The following TAFA2 variants were observed in gnomAD, a reference collection of about 807,000 sequenced individuals.
TAFA2 encodes the protein TAFA chemokine like family member 2.
Under a neutral mutation model 18.8 loss-of-function variants are expected in TAFA2, and 7 were observed. The observed-to-expected ratio is 0.37, with a 90% CI of 0.21 to 0.70. TAFA2 has a LOEUF of 0.70. TAFA2 is among the 30% of genes least tolerant of loss of function. The pLI is 0.53. For synonymous variants in TAFA2, 60 were observed against 54.2 expected (o/e 1.11, Z -0.47); for missense variants, 122 against 158.1 (o/e 0.77, Z 1.23).
At chr12:62,172,507 A>G (rs147641813) in intron 1 of TAFA2, among the ~76,000 whole-genome samples, 1 of 152,356 alleles carries the variant, frequency 6.6e-6, no homozygotes, top group Non-Finnish European at 1.5e-5. Flanking sequence ...TTCTAAGAGC[A>G]TGTAACTCCA....
At chr12:62,023,502 G>A (rs557694765) in intron 1 of TAFA2, 2 of 151,820 alleles carry the variant, frequency 1.3e-5, no homozygotes, top group African/African-American at 2.4e-5. Flanking sequence ...ATAAAACAAA[G>A]AATTTGCCGT....
At chr12:62,071,345 C>T (rs1882625680) in intron 1 of TAFA2, among the ~76,000 whole-genome samples, 1 of 152,098 alleles carries the variant, frequency 6.6e-6, no homozygotes, top group African/African-American at 2.4e-5. Context: ...AAAATAAGCT[C>T]AAAGAGGAGA....
At chr12:62,141,947 C>T (rs887756036) in intron 1 of TAFA2, among the ~76,000 whole-genome samples, 7 of 152,202 alleles carry the variant, frequency 4.6e-5, no homozygotes, top group Non-Finnish European at 8.8e-5. Context: ...CTGTCCCTAA[C>T]ACTAGGTTAT....
intron 2 of TAFA2, among the ~76,000 whole-genome samples, chr12:61,845,703 T>A (rs1873375647): frequency 6.6e-6 from 1 of 152,158 alleles, no homozygotes; most frequent in African/African-American, 2.4e-5. Context: ...ATCTTAGCAT[T>A]TGGACTTACA....
chr12:61,777,746 C>T (rs1033473574), intron 2 of TAFA2, among the ~76,000 whole-genome samples: 17 of 151,742 alleles, frequency 1.1e-4, no homozygotes, highest in Admixed American at 5.3e-4. Flanking sequence ...AGAAAAATAT[C>T]TCATAACCTT....
intron 1 of TAFA2, among the ~76,000 whole-genome samples, chr12:62,161,831 T>G: frequency 6.6e-6 from 1 of 152,204 alleles, no homozygotes; most frequent in East Asian, 1.9e-4. Flanking sequence ...CACATGTATT[T>G]CAATGTTTAA....
intron 1 of TAFA2, among the ~76,000 whole-genome samples, chr12:61,917,012 A>G (rs556452971): frequency 1.3e-5 from 2 of 152,286 alleles, no homozygotes; most frequent in East Asian, 3.9e-4. Context: ...GGGAGTAGTA[A>G]GAACTCATAC....
intron 1 of TAFA2, among the ~76,000 whole-genome samples, chr12:61,995,656 A>C (rs11831039): frequency 6.6e-6 from 1 of 152,046 alleles, no homozygotes; most frequent in Non-Finnish European, 1.5e-5. Flanking sequence ...TTAAGGGTAC[A>C]TTTGATTACA....
intron 2 of TAFA2, among the ~76,000 whole-genome samples, chr12:61,783,332 CTT>C (rs954186598): frequency 6.6e-6 from 1 of 151,680 alleles, no homozygotes; most frequent in Non-Finnish European, 1.5e-5. Flanking sequence ...TACGAATAGA[CTT>C]TGACTTCACA....
rs1055226654 is a variant in TAFA2 at position 61,951,051 on chromosome 12, G to T, written c.-1-83625C>A. Among the ~76,000 whole-genome samples the T allele has an allele frequency of 2.0e-5, 3 of 152,060 alleles. No individual in the cohort carries two copies. The East Asian group carries it at 5.8e-4, about 29-fold the overall frequency. ...CCTAGCCTTGACTTTTGCCCTAAAT[G>T]ACCAATGCTGCAAATTAGATGCTGG... On this transcript the variant is annotated intron_variant, in intron 1 of 4. Transcript: ENST00000416284.
rs1338704599 is a variant in TAFA2, at chr12:61,728,115, A to T, written c.385-17698T>A. Among the ~76,000 whole-genome samples the T allele has an allele frequency of 2.7e-5, 4 of 150,932 alleles. No homozygotes were observed. In the East Asian group the frequency reaches 7.8e-4, roughly 30 times the overall value. Reference sequence around the variant, plus strand: ...ACTTGATATATTTTGATTTTCTTAAATTTATTGAGACTTGTTTTGTGGCCT... The same window carrying T: ...ACTTGATATATTTTGATTTTCTTAATTTTATTGAGACTTGTTTTGTGGCCT... On this transcript the variant is annotated intron_variant, in intron 4 of 4. Transcript: ENST00000416284.
intron 1 of TAFA2, among the ~76,000 whole-genome samples, chr12:61,977,918 A>G (rs1879495052): frequency 2.2e-3 from 1 of 450 alleles, no homozygotes; most frequent in Non-Finnish European, 0.018. Flanking sequence ...AATAAAGAGA[A>G]AAAAAAAGGA....
At chr12:61,910,862 T>C (rs1876580880) in intron 1 of TAFA2, among the ~76,000 whole-genome samples, 1 of 152,322 alleles carries the variant, frequency 6.6e-6, no homozygotes, top group South Asian at 2.1e-4. Flanking sequence ...TTCCGAACCA[T>C]CTGTGTTTCT....
At chr12:61,864,468 G>C (rs1002119718) in intron 2 of TAFA2, among the ~76,000 whole-genome samples, 1 of 150,236 alleles carries the variant, frequency 6.7e-6, no homozygotes, top group Non-Finnish European at 1.5e-5. Flanking sequence ...GATATAAAAA[G>C]AGAAACCCAA....
chr12:61,828,431 C>T (rs17577005), intron 2 of TAFA2, among the ~76,000 whole-genome samples: 44,654 of 151,658 alleles, frequency 0.29, 7,055 homozygotes, highest in South Asian at 0.4. Flanking sequence ...GTTGCCTCAA[C>T]ACATGGTCAT....
chr12:61,804,175 A>C (rs1310731350), intron 2 of TAFA2, among the ~76,000 whole-genome samples: 1 of 151,912 alleles, frequency 6.6e-6, no homozygotes, highest in Non-Finnish European at 1.5e-5. Context: ...CAATAATATA[A>C]TGGCTTCCTA....
rs528504030 is a variant in TAFA2 at position 61,740,327 on chromosome 12, C to T, written c.384+13295G>A. Among the ~76,000 whole-genome samples the T allele has an allele frequency of 7.9e-5, 12 of 151,916 alleles. No homozygotes were observed. In the East Asian group the frequency reaches 2.3e-3, roughly 30 times the overall value. On this transcript the variant is annotated intron_variant, in intron 4 of 4. Transcript: ENST00000416284. ...TGGGGGGGAATATCACACACCGGAG[C>T]CTGTCAGAGTTGGGAGGCAAGGGGT...
rs141451945 is a variant in TAFA2 at position 61,985,159 on chromosome 12, C to T, written c.-1-117733G>A. ...CATAAGAGAAGTCCAAAGAAATAAT[C>T]CCTGCACTGAGAGCTTAGGGACTCA... On this transcript the variant is annotated intron_variant, in intron 1 of 4. Coordinates refer to ENST00000416284, the MANE Select transcript of TAFA2 (RefSeq NM_178539.5). Among the ~76,000 whole-genome samples, 26 of 152,282 alleles carry T rather than the reference C, an allele frequency of 1.7e-4. No homozygotes were observed. In the East Asian group the frequency reaches 4.6e-3, roughly 27 times the overall value.
chr12:62,001,157 A>T (rs1413475823), intron 1 of TAFA2, among the ~76,000 whole-genome samples: 1 of 152,154 alleles, frequency 6.6e-6, no homozygotes, highest in East Asian at 1.9e-4. Context: ...TAAGTTGCTA[A>T]AATTTTTTGT....
Sources: allele counts gnomAD v4.1 joint callset (sites outside exome capture counted in the v4.1 genomes callset), GRCh38; gene constraint gnomAD v4.1.1; transcripts MANE v1.5; gene names NCBI Gene and HGNC (gene_info 2026-07-23, HGNC 2026-07-21).